CPNE2: variants seen among roughly 807,000 people sequenced by gnomAD.
CPNE2 encodes copine 2.
In CPNE2, 42 loss-of-function variants were observed where a neutral mutation model predicts 69.7. The observed-to-expected ratio is 0.60, with a 90% confidence interval of 0.47 to 0.78. The LOEUF (loss-of-function observed/expected upper bound fraction) is 0.78. CPNE2 is among the 30% of genes least tolerant of loss of function. The probability of loss-of-function intolerance (pLI) is 0.00; values close to 1 mark genes in which losing one functional copy is unlikely to be tolerated. For synonymous variants in CPNE2, 294 were observed against 289.8 expected, an observed-to-expected ratio of 1.01 and a Z score of -0.15; for missense variants, 587 against 732.0, an observed-to-expected ratio of 0.80 and a Z score of 2.29.
At position 57,146,362 on chromosome 16, in the gene CPNE2, C is replaced by A; in HGVS notation, c.1539+41C>A. 1 of 1,468,986 alleles carries A rather than the reference C, an allele frequency of 6.8e-7. No individual in the cohort carries two copies. The highest frequency in any genetic ancestry group is 1.3e-5 in the South Asian group (1 of 76,850). The allele number at this position is 1,468,986 out of a possible 1,614,324, so 91.0% of individuals were successfully genotyped here. Reference sequence around the variant, plus strand: ...GGCTGGGAGGGGGCGGTTACAGGATCCCAGCCACCATAGCTCATAATCAAG... The same window carrying A: ...GGCTGGGAGGGGGCGGTTACAGGATACCAGCCACCATAGCTCATAATCAAG... On this transcript the variant is annotated intron_variant, in intron 15 of 15. Coordinates refer to ENST00000290776, the MANE Select transcript of CPNE2 (RefSeq NM_152727.6). This position sits in a 1 kb window ranked among gnomAD's most constrained non-coding sequence, Gnocchi z 4.4.
rs141750517 is a variant in CPNE2, at chr16:57,113,479, C to A, written c.360+12C>A. On this transcript the variant is annotated intron_variant, in intron 3 of 15. Coordinates refer to ENST00000290776, the MANE Select transcript of CPNE2 (RefSeq NM_152727.6). ...GCAGCCTGGGCACGGTGAGCTGGGC[C>A]CTCCTGGGTGGGAGCAGGGGCCCAA... 6 of 1,610,796 alleles carry A rather than the reference C, an allele frequency of 3.7e-6. No individual in the cohort carries two copies. The highest frequency in any genetic ancestry group is 5.1e-6 in the Non-Finnish European group (6 of 1,178,090).
At chr16:57,139,373 G>A (rs543972370) in intron 14 of CPNE2, among the ~76,000 whole-genome samples, 1 of 152,290 alleles carries the variant, frequency 6.6e-6, no homozygotes, top group East Asian at 1.9e-4. Flanking sequence ...CTGATCTTAG[G>A]TTTCACAGTA....
intron 7 of CPNE2, 149 bp from the exon 8 acceptor site, chr16:57,120,944 A>G: frequency 1.8e-6 from 1 of 550,192 alleles, no homozygotes; most frequent in Admixed American, 3.5e-5. Context: ...TGCAGGAGGC[A>G]GTTCAGGAGC....
chr16:57,135,978 G>A (rs113726566), intron 13 of CPNE2, among the ~76,000 whole-genome samples: 5,756 of 146,626 alleles, frequency 0.039, 120 homozygotes, highest in Middle Eastern at 0.13. Context: ...GGGAGAAGGA[G>A]GGAGGGAAGG....
Position 57,110,818 on chromosome 16 carries a change from G to A in CPNE2, c.76G>A (p.Val26Met), listed in dbSNP as rs2069676782. 2.5e-6 allele frequency: 4 copies of A among 1,613,956 alleles called. No homozygotes were observed. Among genetic ancestry groups the A allele is most frequent in the African/African-American group, 1.3e-5 (1 of 74,942 alleles). ...PMGPQYCVCK[V>M]ELSVSGQNLL... ...GGGCCCCCAGTATTGCGTGTGCAAG[G>A]TGGAGCTGTCAGTGAGTGGCCAGAA... Residue 26 changes from valine to methionine, a missense_variant, in exon 2 of 16, where the codon GTG (valine) becomes ATG (methionine). Around this residue, in one of 5 missense-constraint regions of CPNE2, gnomAD observed 96 missense variants for 94.9 expected, o/e 1.01. Transcript: ENST00000290776.
intron 9 of CPNE2, 45 bp from the exon 10 acceptor site, chr16:57,123,369 G>A (rs1403918526): frequency 6.2e-7 from 1 of 1,600,718 alleles, no homozygotes; most frequent in Non-Finnish European, 8.5e-7. Context: ...CATGGGGAGT[G>A]TGACCAAGTC....
At chr16:57,147,441 C>T (rs1447946091) in intron 15 of CPNE2, 110 bp from the exon 16 acceptor site, 1 of 720,432 alleles carries the variant, frequency 1.4e-6, no homozygotes, top group Admixed American at 2.7e-5. Context: ...CTAATTTTGT[C>T]CTCAATGGAC....
intron 1 of CPNE2, among the ~76,000 whole-genome samples, chr16:57,107,785 T>C (rs750888643): frequency 2.5e-4 from 38 of 151,612 alleles, no homozygotes; most frequent in Non-Finnish European, 5.2e-4. Context: ...CTCCTGCAGG[T>C]CCTGGCCACT....
intron 3 of CPNE2, 67 bp downstream of exon 3, chr16:57,113,534 C>A: frequency 6.7e-7 from 1 of 1,489,586 alleles, no homozygotes; most frequent in South Asian, 1.3e-5. Context: ...AAAGTCTCTT[C>A]TCGTGCTGTC....
In CPNE2 at chr16:57,096,581, C is replaced by A. The variant is rs1040009918; in HGVS notation, c.-36+3791C>A. 2.0e-5 allele frequency among the ~76,000 whole-genome samples: 3 copies of A among 151,874 alleles called. No homozygotes were observed. In the East Asian group the frequency reaches 5.8e-4, roughly 29 times the overall value. ...GGGTGTTGTGGTGCATGCCTGTAGT[C>A]CCAACTACTTGGGAGACTGAGGTGG... is the stretch of plus-strand genomic sequence containing the variant. On this transcript the variant is annotated intron_variant, in intron 1 of 15. Coordinates refer to ENST00000290776, the MANE Select transcript of CPNE2 (RefSeq NM_152727.6).
rs777233271 is a variant in CPNE2 at position 57,110,723 on chromosome 16, TGCCACC to T, written c.-12_-7del. 1 of 1,586,986 alleles carries T rather than the reference TGCCACC, an allele frequency of 6.3e-7. No homozygotes were observed. Among genetic ancestry groups the T allele is most frequent in the East Asian group, 2.3e-5 (1 of 43,106 alleles). ...GTTCCCCTAGACTGCCAGGAACTCCTGCCACCGCCACCGGCTCCCATGGCCCACATA... is the reference window on the plus strand; with the variant it reads ...GTTCCCCTAGACTGCCAGGAACTCCTGCCACCGGCTCCCATGGCCCACATA... On this transcript the variant is annotated 5_prime_UTR_variant, in exon 2 of 16. Transcript: ENST00000290776.
chr16:57,140,868 ATTTTTTTTTTTTTTTTT>A (rs55901819), intron 14 of CPNE2: 1 of 86,098 alleles, frequency 1.2e-5, no homozygotes, highest in Non-Finnish European at 2.1e-5. Context: ...CCCGGCCGGG[ATTTTTTTTTTTTTTTTT>A]TTTTTTTTTT....
intron 1 of CPNE2, 142 bp from the exon 2 acceptor site, chr16:57,110,566 G>T: frequency 2.1e-6 from 1 of 486,180 alleles, no homozygotes; most frequent in South Asian, 3.0e-5. Flanking sequence ...TCAAACCTTT[G>T]CCTATGTTAT....
At chr16:57,121,542 T>C in intron 8 of CPNE2, 132 bp from the exon 9 acceptor site, 2 of 866,048 alleles carry the variant, frequency 2.3e-6, no homozygotes, top group Non-Finnish European at 3.8e-6. Context: ...GGTGTGGACA[T>C]CCTGGGAGGC....
At position 57,132,992 on chromosome 16, in the gene CPNE2, T is replaced by A. The variant is rs115450584; in HGVS notation, c.1117-1783T>A. 4.2e-3 allele frequency among the ~76,000 whole-genome samples: 634 copies of A among 152,194 alleles called. 6 individuals are homozygous for A. The highest frequency in any genetic ancestry group is 0.015 in the African/African-American group (605 of 41,506). ...AAGGCAAAATATTCCTCCACCCCTA[T>A]CAGCAGGGGGCTTTCCCACTGTGGT... is the stretch of plus-strand genomic sequence containing the variant. On this transcript the variant is annotated intron_variant, in intron 12 of 15. Coordinates refer to ENST00000290776, the MANE Select transcript of CPNE2 (RefSeq NM_152727.6).
intron 12 of CPNE2, among the ~76,000 whole-genome samples, chr16:57,132,101 C>T (rs985993306): frequency 6.6e-6 from 1 of 152,118 alleles, no homozygotes; most frequent in African/African-American, 2.4e-5. Context: ...ATTTGGGACC[C>T]CAGGCCTGAG....
intron 9 of CPNE2, 93 bp downstream of exon 9, chr16:57,121,853 T>C (rs1269976630): frequency 1.2e-5 from 15 of 1,228,824 alleles, no homozygotes; most frequent in Non-Finnish European, 1.8e-5. Context: ...CAGCGAGGCC[T>C]GTGTTCAAAT....
At position 57,121,831 on chromosome 16, in the gene CPNE2, T is replaced by C; in HGVS notation, c.867+71T>C. On this transcript the variant is annotated intron_variant, in intron 9 of 15. Coordinates refer to ENST00000290776, the MANE Select transcript of CPNE2 (RefSeq NM_152727.6). ...CACACAGAAGGGACAGACAGAGCACTGGATCTGGAGCCAGCGAGGCCTGTG... is the reference window on the plus strand; with the variant it reads ...CACACAGAAGGGACAGACAGAGCACCGGATCTGGAGCCAGCGAGGCCTGTG... 6 of 1,433,874 alleles carry C rather than the reference T, an allele frequency of 4.2e-6. No individual in the cohort carries two copies. The Admixed American group carries it at 8.6e-5, about 21-fold the overall frequency. The allele number at this position is 1,433,874 out of a possible 1,614,324, so 88.8% of individuals were successfully genotyped here.
chr16:57,137,013 C>G, intron 13 of CPNE2, 136 bp from the exon 14 acceptor site: 1 of 1,282,220 alleles, frequency 7.8e-7, no homozygotes, highest in Non-Finnish European at 1.1e-6. Flanking sequence ...AGCTTCCAGT[C>G]TGTCTCACAA....
Sources: gnomAD v4.1 joint callset for allele counts (sites outside exome capture counted in the v4.1 genomes callset) on GRCh38, gnomAD v4.1.1 for gene constraint, gnomAD v4.1.1 regional missense constraint, Gnocchi (gnomAD v3.1) non-coding constraint, MANE v1.5 for transcripts, NCBI Gene and HGNC (gene_info 2026-07-23, HGNC 2026-07-21) for gene names.